RSRC2: variants seen among roughly 807,000 people sequenced by gnomAD.
RSRC2 encodes arginine/serine-rich coiled-coil protein 2.
A neutral mutation model predicts 61.3 loss-of-function variants in RSRC2; 5 were observed. The observed-to-expected ratio is 0.08, with a 90% confidence interval of 0.04 to 0.17. The LOEUF (loss-of-function observed/expected upper bound fraction) is 0.17, where lower values mean the gene tolerates loss of function less well. Ranked by LOEUF, RSRC2 falls within the 10% of genes least tolerant of loss-of-function variation. The pLI is 1.00. For synonymous variants in RSRC2, 202 were observed against 166.5 expected (o/e 1.21, Z -1.64); for missense variants, 381 against 518.8 (o/e 0.73, Z 2.58).
chr12:122,526,841 T>C lies in RSRC2; in HGVS notation c.6+7A>G, dbSNP rs1225951283. 6.2e-7 allele frequency: 1 copy of C among 1,614,066 alleles called. No homozygotes were observed. Among genetic ancestry groups the C allele is most frequent in the African/African-American group, 1.3e-5 (1 of 74,950 alleles). On this transcript the variant is annotated splice_region_variant and intron_variant, in intron 1 of 9. Coordinates refer to ENST00000331738, the MANE Select transcript of RSRC2 (RefSeq NM_023012.6). ...TCCCTGGCTTTAAACTCAGATTCGG[T>C]ACCTACCGCCATAGTTCAGAGTCCC...
chr12:122,514,582 A>G, intron 6 of RSRC2: 1 of 145,310 alleles, frequency 6.9e-6, no homozygotes, highest in South Asian at 2.1e-4. Flanking sequence ...GCAGAAAATT[A>G]AAAAAAAAAA....
chr12:122,525,465 G>A (rs1298276833), intron 1 of RSRC2, among the ~76,000 whole-genome samples: 1 of 152,110 alleles, frequency 6.6e-6, no homozygotes, highest in Non-Finnish European at 1.5e-5. Context: ...AAGGAAGACA[G>A]TAAAAGAAAC....
intron 6 of RSRC2, chr12:122,514,868 A>T (rs2137484045): frequency 1.4e-6 from 1 of 691,166 alleles, no homozygotes; most frequent in East Asian, 4.0e-5. Flanking sequence ...AATTTGAGAA[A>T]AATGAAATCA....
chr12:122,517,145 A>G (rs78525750), intron 5 of RSRC2, 82 bp downstream of exon 5: 101,607 of 1,586,486 alleles, frequency 0.064, 3,732 homozygotes, highest in Non-Finnish European at 0.076. Flanking sequence ...GTGACTCACA[A>G]TTTTAATACT....
At chr12:122,519,295 C>T in intron 3 of RSRC2, 1 of 375,854 alleles carries the variant, frequency 2.7e-6, no homozygotes. Context: ...TATTGAAAAG[C>T]CATTATGCCA....
chr12:122,524,304 CTGAG>C (rs1319195199), intron 1 of RSRC2, among the ~76,000 whole-genome samples: 12 of 151,916 alleles, frequency 7.9e-5, no homozygotes, highest in Non-Finnish European at 1.5e-4. Context: ...TTATTACTTG[CTGAG>C]TGTTTGTACA....
chr12:122,513,354 G>A (rs1958676185), intron 6 of RSRC2, among the ~76,000 whole-genome samples: 1 of 151,290 alleles, frequency 6.6e-6, no homozygotes, highest in Non-Finnish European at 1.5e-5. Context: ...CAATATAAAA[G>A]GTCTATACAT....
At chr12:122,508,744 G>A (rs1958282558) in intron 7 of RSRC2, among the ~76,000 whole-genome samples, 1 of 151,582 alleles carries the variant, frequency 6.6e-6, no homozygotes. Flanking sequence ...ATCACCTGAG[G>A]TTGGGAGTTC....
In RSRC2 at chr12:122,519,006, A is replaced by C. The variant is rs187051944; in HGVS notation, c.231T>G (p.Asp77Glu). 5 of 1,613,574 alleles carry C rather than the reference A, an allele frequency of 3.1e-6. No homozygotes were observed. The highest frequency in any genetic ancestry group is 4.5e-5 in the East Asian group (2 of 44,848). ...SKEGRRHESK[D>E]KSSKKHKSEE... ...CAGACTTATGTTTCTTAGAGGATTT[A>C]TCTTTGGATTCATGTCTTCTTCCCT... The change falls in exon 4 of 10, where the codon GAT becomes GAG. Residue 77 changes from aspartate to glutamate, a missense_variant. Physicochemically the swap from Asp to Glu is conservative, Grantham distance 45. Coordinates refer to ENST00000331738, the MANE Select transcript of RSRC2 (RefSeq NM_023012.6).
Position 122,505,372 on chromosome 12 carries a change from A to G in RSRC2, c.*155T>C. Reference sequence around the variant, plus strand: ...ACCTGATTACAACACTAACACCAGTATCACTGATCTGATATTTACAAAAAT... The same window carrying G: ...ACCTGATTACAACACTAACACCAGTGTCACTGATCTGATATTTACAAAAAT... On this transcript the variant is annotated 3_prime_UTR_variant, in exon 10 of 10. Coordinates refer to ENST00000331738, the MANE Select transcript of RSRC2 (RefSeq NM_023012.6). 1.6e-6 allele frequency: 1 copy of G among 611,122 alleles called. No homozygotes were observed. Among genetic ancestry groups the G allele is most frequent in the Non-Finnish European group, 2.8e-6 (1 of 360,300 alleles). The allele number at this position is 611,122 out of a possible 1,614,324, so 37.9% of individuals were successfully genotyped here.
At chr12:122,523,204 A>G (rs1233155405) in intron 1 of RSRC2, 1 of 152,256 alleles carries the variant, frequency 6.6e-6, no homozygotes, top group African/African-American at 2.4e-5. Context: ...CACTGTAAAG[A>G]CTGAACTGTT....
chr12:122,522,329 T>G, intron 1 of RSRC2, 30 bp from the exon 2 acceptor site: 1 of 1,553,770 alleles, frequency 6.4e-7, no homozygotes. Flanking sequence ...TGATTAAAGT[T>G]CTTAATTACA....
chr12:122,514,544 G>A (rs1958766396), intron 6 of RSRC2: 1 of 961,362 alleles, frequency 1.0e-6, no homozygotes, highest in Non-Finnish European at 1.2e-6. Flanking sequence ...GGGATTACAG[G>A]TGTGACCGAT....
intron 9 of RSRC2, 56 bp downstream of exon 9, chr12:122,506,778 C>T: frequency 3.0e-6 from 3 of 1,008,380 alleles, no homozygotes; most frequent in South Asian, 2.8e-5. Flanking sequence ...GAGGGAAGAA[C>T]AGTGCAGGAG....
chr12:122,517,955 CCA>C (rs1959059367), intron 4 of RSRC2, among the ~76,000 whole-genome samples: 1 of 152,180 alleles, frequency 6.6e-6, no homozygotes. Flanking sequence ...TCAGCTTAAA[CCA>C]CACAGTTTAA....
intron 6 of RSRC2, among the ~76,000 whole-genome samples, chr12:122,511,914 C>T (rs946503961): frequency 6.6e-6 from 1 of 152,198 alleles, no homozygotes; most frequent in East Asian, 1.9e-4. Context: ...TCAAGCGATT[C>T]TCCTGCCTCA....
chr12:122,505,502 C>A lies in RSRC2; in HGVS notation c.*25G>T. 1 of 1,605,508 alleles carries A rather than the reference C, an allele frequency of 6.2e-7. No homozygotes were observed. The highest frequency in any genetic ancestry group is 1.3e-5 in the African/African-American group (1 of 74,794). On this transcript the variant is annotated 3_prime_UTR_variant, in exon 10 of 10. Transcript: ENST00000331738. ...CATCAGAACAAGAAGTCTATAAGTC[C>A]CAAACTTTACAAGTGTGATCATTTT...
At chr12:122,515,376 G>GA in intron 5 of RSRC2, 149 bp from the exon 6 acceptor site, 1 of 741,472 alleles carries the variant, frequency 1.3e-6, no homozygotes, top group Non-Finnish European at 2.1e-6. Flanking sequence ...TGTTACAGCT[G>GA]AACTCATTGG....
At chr12:122,524,239 A>C (rs1362146264) in intron 1 of RSRC2, among the ~76,000 whole-genome samples, 3 of 152,156 alleles carry the variant, frequency 2.0e-5, no homozygotes, top group East Asian at 3.8e-4. Flanking sequence ...TTTCACAATG[A>C]ATTCTGGACA....
Sources: gnomAD v4.1 joint callset for allele counts (sites outside exome capture counted in the v4.1 genomes callset) on GRCh38, gnomAD v4.1.1 for gene constraint, MANE v1.5 for transcripts, NCBI Gene and HGNC (gene_info 2026-07-23, HGNC 2026-07-21) for gene names.